IL1RAPL2: variants seen among roughly 807,000 people sequenced by gnomAD.
IL1RAPL2 encodes interleukin 1 receptor accessory protein like 2, also known as X-linked interleukin-1 receptor accessory protein-like 2.
IL1RAPL2 carries 3 observed loss-of-function variants against 44.1 expected under a neutral mutation model. The ratio of observed to expected loss-of-function variants is 0.07; its 90% CI spans 0.03 to 0.18. The LOEUF is 0.18. IL1RAPL2 is among the 10% of genes least tolerant of loss of function. The pLI is 1.00. For synonymous variants in IL1RAPL2, 181 were observed against 178.8 expected, an observed-to-expected ratio of 1.01 and a Z score of -0.10; for missense variants, 391 against 496.4, an observed-to-expected ratio of 0.79 and a Z score of 2.02.
intron 2 of IL1RAPL2, among the ~76,000 whole-genome samples, chrX:104,850,237 T>A (rs1444460395): frequency 9.0e-6 from 1 of 111,361 alleles, no homozygotes; most frequent in African/African-American, 3.3e-5. Context: ...CTTTTTATTT[T>A]TATTTGTTTT....
At chrX:105,115,868 G>A (rs959903054) in intron 2 of IL1RAPL2, among the ~76,000 whole-genome samples, 3 of 113,090 alleles carry the variant, frequency 2.7e-5, no homozygotes, top group Non-Finnish European at 5.6e-5. Flanking sequence ...GCTCAGGCAT[G>A]GGGGCGCTGC....
chrX:105,170,856 G>T (rs2033417033), intron 2 of IL1RAPL2, among the ~76,000 whole-genome samples: 1 of 111,991 alleles, frequency 8.9e-6, no homozygotes, highest in Non-Finnish European at 1.9e-5. Flanking sequence ...TTTAATTTTT[G>T]AAGTAGGATT....
intron 2 of IL1RAPL2, among the ~76,000 whole-genome samples, chrX:104,940,980 G>T (rs1331656233): frequency 5.8e-5 from 6 of 104,107 alleles, no homozygotes; most frequent in Admixed American, 5.5e-4. Context: ...TGTGGTGTTT[G>T]GTTTTCTGTC....
At chrX:104,986,050 T>G (rs2030554643) in intron 2 of IL1RAPL2, among the ~76,000 whole-genome samples, 1 of 112,485 alleles carries the variant, frequency 8.9e-6, no homozygotes. Context: ...GCCTTGCTAT[T>G]TGTCCTTCAG....
At chrX:105,542,665 TCTC>T (rs1161229092) in intron 6 of IL1RAPL2, among the ~76,000 whole-genome samples, 4 of 102,127 alleles carry the variant, frequency 3.9e-5, no homozygotes, top group African/African-American at 8.2e-5. Flanking sequence ...TAAAATAGAT[TCTC>T]TTTTTTTTTT....
rs370717260 is a variant in IL1RAPL2 at position 105,026,162 on chromosome X, T to G, written c.83-169313T>G. Among the ~76,000 whole-genome samples the G allele has an allele frequency of 1.5e-4, 17 of 111,288 alleles. No homozygotes were observed. In the East Asian group the frequency reaches 4.6e-3, roughly 30 times the overall value. On this transcript the variant is annotated intron_variant, in intron 2 of 10. Coordinates refer to ENST00000372582, the MANE Select transcript of IL1RAPL2 (RefSeq NM_017416.2). ...AATGTCTACTAGTTGTTACCTGCTC[T>G]GTGCAGCAATCTTCCTCAGTTAGGC...
At chrX:104,877,049 G>A (rs1237625958) in intron 2 of IL1RAPL2, among the ~76,000 whole-genome samples, 1 of 110,487 alleles carries the variant, frequency 9.1e-6, no homozygotes, top group Non-Finnish European at 1.9e-5. Flanking sequence ...TCCCTACAAA[G>A]GACATGAACT....
chrX:105,447,280 T>A (rs2035970639), intron 5 of IL1RAPL2, among the ~76,000 whole-genome samples: 1 of 47,974 alleles, frequency 2.1e-5, no homozygotes, highest in African/African-American at 8.8e-5. Flanking sequence ...ATATATAAAA[T>A]ATATATAAAT....
chrX:105,549,622 T>G (rs975028814), intron 6 of IL1RAPL2, among the ~76,000 whole-genome samples: 1 of 111,705 alleles, frequency 9.0e-6, no homozygotes, highest in Non-Finnish European at 1.9e-5. Context: ...AATGTGCTGA[T>G]GAGCCATATA....
intron 5 of IL1RAPL2, among the ~76,000 whole-genome samples, chrX:105,345,414 A>G (rs1261203337): frequency 8.9e-6 from 1 of 111,828 alleles, no homozygotes; most frequent in Non-Finnish European, 1.9e-5. Context: ...GTAACTTATA[A>G]TGTATTTCTA....
intron 4 of IL1RAPL2, among the ~76,000 whole-genome samples, chrX:105,248,015 G>A (rs1049087481): frequency 2.4e-4 from 27 of 110,737 alleles, no homozygotes; most frequent in African/African-American, 5.6e-4. Flanking sequence ...ATCCTTCCAC[G>A]TCTTCTACAG....
At chrX:105,616,505 G>A (rs2147829169) in intron 6 of IL1RAPL2, among the ~76,000 whole-genome samples, 1 of 111,676 alleles carries the variant, frequency 9.0e-6, no homozygotes, top group East Asian at 2.8e-4. Flanking sequence ...TGTCATTGTG[G>A]TTTTAATTTG....
intron 2 of IL1RAPL2, 146 bp from the exon 3 acceptor site, chrX:105,195,329 T>C: frequency 1.8e-6 from 1 of 568,182 alleles, no homozygotes; most frequent in Admixed American, 3.2e-5. Flanking sequence ...CTAAGCAAGA[T>C]ACAAGTCTAT....
chrX:105,653,547 C>T (rs1420807873), intron 6 of IL1RAPL2, among the ~76,000 whole-genome samples: 1 of 109,048 alleles, frequency 9.2e-6, no homozygotes, highest in African/African-American at 3.3e-5. Context: ...TCCTTCCTCC[C>T]TTCCTTTTTT....
intron 2 of IL1RAPL2, among the ~76,000 whole-genome samples, chrX:104,703,745 A>G (rs1269305397): frequency 8.9e-6 from 1 of 112,491 alleles, no homozygotes; most frequent in African/African-American, 3.2e-5. Flanking sequence ...GTTATCATCT[A>G]CATTCATAAG....
chrX:105,394,221 T>C lies in IL1RAPL2; in HGVS notation c.698-90092T>C, dbSNP rs180925644. ...AAGTAGCCATTAGAAAAAGATCTTTTTGGATTTGCTAAAACTTATTTTATA... is the reference window on the plus strand; with the variant it reads ...AAGTAGCCATTAGAAAAAGATCTTTCTGGATTTGCTAAAACTTATTTTATA... On this transcript the variant is annotated intron_variant, in intron 5 of 10. Coordinates refer to ENST00000372582, the MANE Select transcript of IL1RAPL2 (RefSeq NM_017416.2). 5.3e-3 allele frequency among the ~76,000 whole-genome samples: 589 copies of C among 112,166 alleles called. 6 individuals are homozygous for C. Among genetic ancestry groups the C allele is most frequent in the African/African-American group, 0.018 (554 of 30,951 alleles).
intron 2 of IL1RAPL2, among the ~76,000 whole-genome samples, chrX:104,803,666 G>A (rs1233519658): frequency 1.8e-5 from 2 of 112,427 alleles, no homozygotes; most frequent in African/African-American, 6.5e-5. Flanking sequence ...AGGCCAATCA[G>A]TCTGAAGATA....
At chrX:105,406,098 G>C (rs763710991) in intron 5 of IL1RAPL2, 79 of 1,194,457 alleles carry the variant, frequency 6.6e-5, no homozygotes, top group Non-Finnish European at 8.6e-5. Context: ...ATCTTTTTGA[G>C]AGAGCAGCTG....
chrX:105,739,716 T>C (rs1266017813), intron 7 of IL1RAPL2, among the ~76,000 whole-genome samples: 1 of 104,642 alleles, frequency 9.6e-6, no homozygotes, highest in African/African-American at 3.5e-5. Context: ...CCATGGTGTA[T>C]ATGTGCCACA....
Sources: allele counts gnomAD v4.1 joint callset (sites outside exome capture counted in the v4.1 genomes callset), GRCh38; gene constraint gnomAD v4.1.1; transcripts MANE v1.5; gene names NCBI Gene and HGNC (gene_info 2026-07-23, HGNC 2026-07-21).